The following GLP2R variants were observed in gnomAD, a reference collection of about 807,000 sequenced individuals.
GLP2R encodes glucagon-like peptide 2 receptor.
GLP2R carries 59 observed loss-of-function variants against 68.2 expected under a neutral mutation model. That is an observed-to-expected ratio of 0.87 (90% CI 0.70 to 1.07). GLP2R has a LOEUF of 1.07. Ranked by LOEUF, GLP2R falls within the 50% of genes least tolerant of loss-of-function variation. The pLI is 0.00. For missense variants in GLP2R, 548 were observed against 677.4 expected, an observed-to-expected ratio of 0.81 and a Z score of 2.12; for synonymous variants, 270 against 265.4, an observed-to-expected ratio of 1.02 and a Z score of -0.17.
At position 9,892,011 on chromosome 17, in the gene GLP2R, T is replaced by C. The variant is rs2067295321; in HGVS notation, c.*2306T>C. ...AACTTTTTTTCAAAGCATTTATAAATACTCCCTCCACCCCTCACTCCACAA... is the reference window on the plus strand; with the variant it reads ...AACTTTTTTTCAAAGCATTTATAAACACTCCCTCCACCCCTCACTCCACAA... On this transcript the variant is annotated 3_prime_UTR_variant, in exon 13 of 13. Coordinates refer to ENST00000262441, the MANE Select transcript of GLP2R (RefSeq NM_004246.3). 6.6e-6 allele frequency: 1 copy of C among 152,184 alleles called. No homozygotes were observed. Among genetic ancestry groups the C allele is most frequent in the Non-Finnish European group, 1.5e-5 (1 of 68,018 alleles). The allele number at this position is 152,184 out of a possible 1,614,324, so 9.4% of individuals were successfully genotyped here.
At chr17:9,856,692 A>G (rs8077020) in intron 5 of GLP2R, among the ~76,000 whole-genome samples, 1 of 152,198 alleles carries the variant, frequency 6.6e-6, no homozygotes, top group Non-Finnish European at 1.5e-5. Flanking sequence ...TGGGAGACCT[A>G]TGCTTTGGCC....
intron 10 of GLP2R, among the ~76,000 whole-genome samples, chr17:9,876,565 C>T (rs1383595112): frequency 6.6e-6 from 1 of 152,182 alleles, no homozygotes; most frequent in Non-Finnish European, 1.5e-5. Flanking sequence ...ACGTTCCTTT[C>T]CTCCACCTCT....
At chr17:9,840,722 A>G (rs937041573) in intron 3 of GLP2R, among the ~76,000 whole-genome samples, 4 of 152,220 alleles carry the variant, frequency 2.6e-5, no homozygotes, top group Non-Finnish European at 5.9e-5. Context: ...TAGTTAAGGA[A>G]GTCTTCGATG....
chr17:9,889,098 G>A (rs1486573071), intron 12 of GLP2R, among the ~76,000 whole-genome samples: 1 of 152,148 alleles, frequency 6.6e-6, no homozygotes, highest in Non-Finnish European at 1.5e-5. Flanking sequence ...CACCTATCAA[G>A]CAGGTTTCAG....
rs1382928456 is a variant in GLP2R at position 9,889,793 on chromosome 17, C to A, written c.*88C>A. The A allele has an allele frequency of 3.8e-6, 3 of 783,734 alleles. No homozygotes were observed. The highest frequency in any genetic ancestry group is 6.1e-6 in the Non-Finnish European group (3 of 493,836). The allele number at this position is 783,734 out of a possible 1,614,324, so 48.5% of individuals were successfully genotyped here. A position where few individuals can be genotyped will look rare whatever the true frequency, so the allele number is the denominator to read the frequency against. On this transcript the variant is annotated 3_prime_UTR_variant, in exon 13 of 13. Transcript: ENST00000262441. ...GCAAAGCAGGACACACGTTGCTGGG[C>A]ACGGAATCATTCTCGTTCCATTCAC...
chr17:9,874,783 A>G (rs531099505), intron 10 of GLP2R, among the ~76,000 whole-genome samples: 1 of 152,346 alleles, frequency 6.6e-6, no homozygotes, highest in South Asian at 2.1e-4. Flanking sequence ...CCGCAACACC[A>G]GAAGATCCAG....
At chr17:9,878,316 A>T (rs2067159896) in intron 10 of GLP2R, among the ~76,000 whole-genome samples, 1 of 152,204 alleles carries the variant, frequency 6.6e-6, no homozygotes, top group Admixed American at 6.5e-5. Context: ...TAGAAATATT[A>T]TTATTTAAAG....
chr17:9,827,831 G>A (rs1429237648), intron 1 of GLP2R, among the ~76,000 whole-genome samples: 2 of 152,056 alleles, frequency 1.3e-5, no homozygotes, highest in Non-Finnish European at 2.9e-5. Flanking sequence ...GCATGGTGGT[G>A]TGTGCCTGTA....
intron 1 of GLP2R, among the ~76,000 whole-genome samples, chr17:9,829,860 C>G (rs1288459120): frequency 6.6e-6 from 1 of 152,212 alleles, no homozygotes; most frequent in African/African-American, 2.4e-5. Context: ...TATTCCTTCT[C>G]TAACAAAGAA....
chr17:9,830,119 A>T (rs1381724095), intron 1 of GLP2R, among the ~76,000 whole-genome samples: 1 of 152,262 alleles, frequency 6.6e-6, no homozygotes, highest in Admixed American at 6.5e-5. Flanking sequence ...AAGGGAAGAC[A>T]GTCTGAGTTT....
At position 9,856,887 on chromosome 17, in the gene GLP2R, C is replaced by T. The variant is rs138382670; in HGVS notation, c.612-536C>T. ...AGCTGCATATGTAAATGATTTGGAACACGGCTGGCATGTTGAAGATGTTTT... is the reference window on the plus strand; with the variant it reads ...AGCTGCATATGTAAATGATTTGGAATACGGCTGGCATGTTGAAGATGTTTT... On this transcript the variant is annotated intron_variant, in intron 5 of 12. Transcript: ENST00000262441. 5.7e-3 allele frequency among the ~76,000 whole-genome samples: 874 copies of T among 152,124 alleles called. 8 individuals carry two copies. Among genetic ancestry groups the T allele is most frequent in the African/African-American group, 0.02 (837 of 41,500 alleles).
intron 6 of GLP2R, among the ~76,000 whole-genome samples, chr17:9,857,971 G>A (rs2066949951): frequency 6.6e-6 from 1 of 152,200 alleles, no homozygotes; most frequent in African/African-American, 2.4e-5. Flanking sequence ...ACCTGAACAT[G>A]TACAGACTTT....
chr17:9,871,963 T>C (rs2067098665), intron 10 of GLP2R, among the ~76,000 whole-genome samples: 2 of 152,138 alleles, frequency 1.3e-5, no homozygotes, highest in African/African-American at 2.4e-5. Flanking sequence ...GACCTCATGA[T>C]CCACTAGCCT....
intron 4 of GLP2R, among the ~76,000 whole-genome samples, chr17:9,848,894 T>TGTGTGTGTGTGC (rs934712218): frequency 1.3e-5 from 2 of 149,196 alleles, no homozygotes; most frequent in African/African-American, 5.0e-5. Context: ...TGTGTGTGTG[T>TGTGTGTGTGTGC]GCGCTCACAT....
chr17:9,840,174 A>C (rs1295356825), intron 3 of GLP2R, among the ~76,000 whole-genome samples: 2 of 152,086 alleles, frequency 1.3e-5, no homozygotes, highest in Non-Finnish European at 2.9e-5. Flanking sequence ...ACAGGGTTTC[A>C]CTATGTTGGC....
At chr17:9,836,942 C>A (rs1382387211) in intron 3 of GLP2R, among the ~76,000 whole-genome samples, 1 of 152,042 alleles carries the variant, frequency 6.6e-6, no homozygotes, top group Non-Finnish European at 1.5e-5. Context: ...CTCCGCCTCC[C>A]AGGTTCAAGC....
At chr17:9,879,583 T>C (rs888780182) in intron 10 of GLP2R, among the ~76,000 whole-genome samples, 16 of 152,132 alleles carry the variant, frequency 1.1e-4, no homozygotes, top group African/African-American at 3.9e-4. Flanking sequence ...TATATGTATA[T>C]ATTTTAAGAG....
intron 9 of GLP2R, chr17:9,866,788 A>G (rs554077926): frequency 6.6e-6 from 1 of 152,232 alleles, no homozygotes; most frequent in South Asian, 2.1e-4. Context: ...ATCTGCCTTC[A>G]TTTTTGGTCA....
At chr17:9,847,283 T>G (rs1225135566) in intron 4 of GLP2R, among the ~76,000 whole-genome samples, 1 of 152,158 alleles carries the variant, frequency 6.6e-6, no homozygotes, top group African/African-American at 2.4e-5. Context: ...TTTTCTTTTT[T>G]TTTGAAACGG....
Sources: allele counts gnomAD v4.1 joint callset (sites outside exome capture counted in the v4.1 genomes callset), GRCh38; gene constraint gnomAD v4.1.1; transcripts MANE v1.5; gene names NCBI Gene and HGNC (gene_info 2026-07-23, HGNC 2026-07-21).